Variants in AGO4 observed in about 807,000 individuals in gnomAD.
AGO4 encodes protein argonaute-4.
A neutral mutation model predicts 104.7 loss-of-function variants in AGO4; 33 were observed. The ratio of observed to expected loss-of-function variants is 0.32; its 90% CI spans 0.24 to 0.42. The LOEUF (loss-of-function observed/expected upper bound fraction) is 0.42. AGO4 is among the 10% of genes least tolerant of loss of function. The probability of loss-of-function intolerance (pLI) is 1.00; values close to 1 mark genes in which losing one functional copy is unlikely to be tolerated. For synonymous variants in AGO4, 331 were observed against 364.7 expected, an observed-to-expected ratio of 0.91 and a Z score of 1.05; for missense variants, 711 against 1,083.4, an observed-to-expected ratio of 0.66 and a Z score of 4.83.
chr1:35,832,010 A>C, intron 9 of AGO4, 47 bp from the exon 10 acceptor site: 1 of 1,604,718 alleles, frequency 6.2e-7, no homozygotes, highest in Non-Finnish European at 8.5e-7. Flanking sequence ...CTCCTGGGAC[A>C]CAGTTACTCT....
intron 1 of AGO4, among the ~76,000 whole-genome samples, chr1:35,813,192 A>G (rs1643565477): frequency 6.8e-6 from 1 of 146,832 alleles, no homozygotes; most frequent in Non-Finnish European, 1.5e-5. Flanking sequence ...GGCAGATCAC[A>G]AGGTCAGGAG....
At chr1:35,820,134 G>T (rs1472559735) in intron 2 of AGO4, among the ~76,000 whole-genome samples, 3 of 152,122 alleles carry the variant, frequency 2.0e-5, no homozygotes, top group African/African-American at 7.2e-5. Context: ...TGGAAGGATG[G>T]ATTATCTAAT....
intron 3 of AGO4, 62 bp downstream of exon 3, chr1:35,823,044 T>C: frequency 6.4e-7 from 1 of 1,566,552 alleles, no homozygotes; most frequent in Non-Finnish European, 8.7e-7. Context: ...GACAAAAATA[T>C]TTCCTTTTCT....
intron 1 of AGO4, among the ~76,000 whole-genome samples, chr1:35,816,389 A>G (rs1643694399): frequency 6.6e-6 from 1 of 152,338 alleles, no homozygotes; most frequent in East Asian, 1.9e-4. Context: ...ATATTTAGAA[A>G]TCTAGAGAAC....
intron 16 of AGO4, 72 bp downstream of exon 16, chr1:35,850,330 C>G: frequency 1.7e-6 from 2 of 1,143,470 alleles, no homozygotes; most frequent in African/African-American, 1.5e-5. Flanking sequence ...TAGCTTGAGT[C>G]GACTTGTTAT....
chr1:35,819,619 G>C (rs1557553066), intron 2 of AGO4, among the ~76,000 whole-genome samples: 1 of 151,438 alleles, frequency 6.6e-6, no homozygotes, highest in Non-Finnish European at 1.5e-5. Context: ...TGTAGTCCCA[G>C]CTACTCGGGA....
At chr1:35,827,911 C>G (rs1188235241) in intron 7 of AGO4, among the ~76,000 whole-genome samples, 1 of 151,054 alleles carries the variant, frequency 6.6e-6, no homozygotes, top group Non-Finnish European at 1.5e-5. Flanking sequence ...CCACCACACT[C>G]GCCTAATTTT....
chr1:35,826,806 T>C lies in AGO4; in HGVS notation c.819T>C (p.Asn273=). ...TGAAACGAAAATACCGAGTTTGTAA[T>C]GTGACTAGACGGCCAGCCAGTCATC... ...GQMKRKYRVC[N]VTRRPASHQT... is the part of the protein sequence containing the mutation. The change falls in exon 7 of 18, where the codon AAT becomes AAC. Residue 273 remains asparagine, a synonymous_variant. Coordinates refer to ENST00000373210, the MANE Select transcript of AGO4 (RefSeq NM_017629.4). 1 of 1,614,202 alleles carries C rather than the reference T, an allele frequency of 6.2e-7. No individual in the cohort carries two copies. The highest frequency in any genetic ancestry group is 1.1e-5 in the South Asian group (1 of 91,084).
chr1:35,851,807 T>C (rs1557584581), intron 17 of AGO4, among the ~76,000 whole-genome samples: 1 of 152,228 alleles, frequency 6.6e-6, no homozygotes. Flanking sequence ...ATTCGGCATA[T>C]TTATTAGGTA....
At chr1:35,823,033 T>C in intron 3 of AGO4, 51 bp downstream of exon 3, 2 of 1,581,432 alleles carry the variant, frequency 1.3e-6, no homozygotes, top group Non-Finnish European at 8.6e-7. Flanking sequence ...TAATTATACA[T>C]GACAAAAATA....
intron 2 of AGO4, among the ~76,000 whole-genome samples, chr1:35,820,304 A>G (rs1231902775): frequency 1.3e-5 from 2 of 152,204 alleles, no homozygotes; most frequent in Admixed American, 6.5e-5. Context: ...AAGGGAGCAC[A>G]GAAATAGAAT....
rs904398224 is a variant in AGO4 at position 35,854,233 on chromosome 1, A to C, written c.*628A>C. 1.3e-5 allele frequency: 2 copies of C among 152,650 alleles called. No homozygotes were observed. Among genetic ancestry groups the C allele is most frequent in the Non-Finnish European group, 1.5e-5 (1 of 68,042 alleles). The allele number at this position is 152,650 out of a possible 1,614,324, so 9.5% of individuals were successfully genotyped here. On this transcript the variant is annotated 3_prime_UTR_variant, in exon 18 of 18. Transcript: ENST00000373210. Reference sequence around the variant, plus strand: ...TACATGCTGACAGGCAATTTGCACTATATTTGGCTGCAGATTCAAATAGGC... The same window carrying C: ...TACATGCTGACAGGCAATTTGCACTCTATTTGGCTGCAGATTCAAATAGGC...
At chr1:35,848,039 A>G (rs778522004) in intron 15 of AGO4, among the ~76,000 whole-genome samples, 1 of 151,488 alleles carries the variant, frequency 6.6e-6, no homozygotes, top group South Asian at 2.1e-4. Context: ...CTGTATAATA[A>G]TTCTGTCATA....
intron 2 of AGO4, among the ~76,000 whole-genome samples, chr1:35,818,645 GAAAGAA>G (rs1557552114): frequency 9.2e-6 from 1 of 108,590 alleles, no homozygotes; most frequent in African/African-American, 3.2e-5. Flanking sequence ...AAGAAAGAAA[GAAAGAA>G]AGAAAGAAAG....
Position 35,853,110 on chromosome 1 carries a change from G to A in AGO4, c.2478-387G>A, listed in dbSNP as rs10159354. 7.5e-3 allele frequency among the ~76,000 whole-genome samples: 1,140 copies of A among 152,130 alleles called. 16 individuals carry two copies. The highest frequency in any genetic ancestry group is 0.024 in the African/African-American group (1,015 of 41,510). On this transcript the variant is annotated intron_variant, in intron 17 of 17. Transcript: ENST00000373210. ...GTAAAAATACAAAAAAATCAGCCGG[G>A]TGTGGTGGCGGGCGCCTGTAGTCCC...
chr1:35,847,935 A>C (rs1278286780), intron 15 of AGO4, among the ~76,000 whole-genome samples: 1 of 152,046 alleles, frequency 6.6e-6, no homozygotes, highest in Non-Finnish European at 1.5e-5. Context: ...GCAGTGATCA[A>C]ATCAGGGTAT....
rs1319517621 is a variant in AGO4, at chr1:35,857,836, G to C, written c.*4231G>C. On this transcript the variant is annotated 3_prime_UTR_variant, in exon 18 of 18. Transcript: ENST00000373210. ...TCCCTATTTTTAAAAATTGCTATTT[G>C]GTATACAATTATTATGTGTCAATTA... is the stretch of plus-strand genomic sequence containing the variant. The C allele has an allele frequency of 6.6e-6, 1 of 151,850 alleles. No individual in the cohort carries two copies. Among genetic ancestry groups the C allele is most frequent in the Non-Finnish European group, 1.5e-5 (1 of 67,980 alleles). 9.4% of individuals were successfully genotyped at this position (151,850 alleles called of 1,614,324 possible). A position where few individuals can be genotyped will look rare whatever the true frequency, so the allele number is the denominator to read the frequency against.
In AGO4 at chr1:35,831,563, T is replaced by C. The variant is rs1254993950; in HGVS notation, c.985T>C (p.Leu329=). Residue 329 remains leucine (L), a synonymous_variant, in exon 8 of 18, where the codon TTG becomes CTG. Transcript: ENST00000373210. The part of the protein sequence containing the change: ...QVGQEQKHTY[L]PLEVCNIVAG... Reference sequence around the variant, plus strand: ...GGGACAAGAACAAAAGCATACATACTTGCCACTCGAGGTAAGTTAAATTTT... The same window carrying C: ...GGGACAAGAACAAAAGCATACATACCTGCCACTCGAGGTAAGTTAAATTTT... 1.2e-6 allele frequency: 2 copies of C among 1,609,984 alleles called. No homozygotes were observed. Among genetic ancestry groups the C allele is most frequent in the South Asian group, 1.1e-5 (1 of 89,816 alleles).
intron 13 of AGO4, among the ~76,000 whole-genome samples, chr1:35,837,409 C>T (rs1192742747): frequency 2.0e-5 from 3 of 148,034 alleles, no homozygotes; most frequent in African/African-American, 7.5e-5. Flanking sequence ...GACAGGGTCT[C>T]ACTCTGTCTT....
Sources: gnomAD v4.1 joint callset for allele counts (sites outside exome capture counted in the v4.1 genomes callset) on GRCh38, gnomAD v4.1.1 for gene constraint, MANE v1.5 for transcripts, NCBI Gene and HGNC (gene_info 2026-07-23, HGNC 2026-07-21) for gene names.